Variants in HTR4 observed in about 807,000 individuals in gnomAD.
The protein encoded by HTR4 is 5-hydroxytryptamine (serotonin) receptor 4, G protein-coupled.
HTR4 carries 16 observed loss-of-function variants against 36.8 expected under a neutral mutation model. That is an observed-to-expected ratio of 0.43 (90% CI 0.29 to 0.66). The LOEUF (loss-of-function observed/expected upper bound fraction) is 0.66. HTR4 is among the 30% of genes least tolerant of loss of function. HTR4 has a pLI of 0.13. For synonymous variants in HTR4, 189 were observed against 185.1 expected, an observed-to-expected ratio of 1.02 and a Z score of -0.17; for missense variants, 438 against 490.9, an observed-to-expected ratio of 0.89 and a Z score of 1.02.
rs1021434854 is a variant in HTR4 at position 148,588,772 on chromosome 5, C to T, written c.27-38510G>A. ...AGCCAGGATGGTCTTGATCTCCTGACCTCATGATCCACCCGCCTCGGCCTC... is the reference window on the plus strand; with the variant it reads ...AGCCAGGATGGTCTTGATCTCCTGATCTCATGATCCACCCGCCTCGGCCTC... On this transcript the variant is annotated intron_variant, in intron 2 of 6. Coordinates refer to ENST00000377888, the MANE Select transcript of HTR4 (RefSeq NM_000870.7). Among the ~76,000 whole-genome samples, 16 of 151,216 alleles carry T rather than the reference C, an allele frequency of 1.1e-4. No individual in the cohort carries two copies. In the East Asian group the frequency reaches 2.9e-3, roughly 28 times the overall value.
At chr5:148,528,223 A>G (rs1052634407) in intron 4 of HTR4, among the ~76,000 whole-genome samples, 2 of 152,154 alleles carry the variant, frequency 1.3e-5, no homozygotes, top group Non-Finnish European at 2.9e-5. Context: ...ATACTGAATT[A>G]TGTCTAGGTA....
In HTR4 at chr5:148,521,095, G is replaced by A. The variant is rs538302148; in HGVS notation, c.507+2098C>T. 1.6e-4 allele frequency: 189 copies of A among 1,180,302 alleles called. No individual in the cohort carries two copies. The African/African-American group carries it at 2.6e-3, about 16-fold the overall frequency. 73.1% of individuals were successfully genotyped at this position (1,180,302 alleles called of 1,614,324 possible). On this transcript the variant is annotated intron_variant, in intron 5 of 6. Transcript: ENST00000377888. ...CCACTTCCCACATCTCGATGTATCC[G>A]GGGACCACTTCTACAGCAAGTGCCT...
intron 4 of HTR4, among the ~76,000 whole-genome samples, chr5:148,540,444 AT>A (rs1172923858): frequency 9.2e-4 from 102 of 111,426 alleles, no homozygotes; most frequent in Non-Finnish European, 1.1e-3. Flanking sequence ...ATATATATAT[AT>A]ATAATCTTAT....
At chr5:148,645,951 G>A (rs1170495587) in intron 1 of HTR4, 1 of 152,214 alleles carries the variant, frequency 6.6e-6, no homozygotes, top group Non-Finnish European at 1.5e-5. Context: ...TGATTTCAGA[G>A]GTCTGGAATT....
At chr5:148,537,653 C>T (rs770045284) in intron 4 of HTR4, among the ~76,000 whole-genome samples, 3 of 151,836 alleles carry the variant, frequency 2.0e-5, no homozygotes, top group Admixed American at 6.6e-5. Flanking sequence ...GATAAATTCC[C>T]GGACACATAC....
At chr5:148,516,312 C>CTTTTTTTTTTTTTTT (rs954784476) in intron 5 of HTR4, among the ~76,000 whole-genome samples, 6 of 76,476 alleles carry the variant, frequency 7.8e-5, no homozygotes, top group Non-Finnish European at 9.7e-5. Context: ...ATTCCCCCCT[C>CTTTTTTTTTTTTTTT]TTTTTTTTTT....
At chr5:148,606,080 A>G (rs1198527786) in intron 2 of HTR4, among the ~76,000 whole-genome samples, 1 of 152,234 alleles carries the variant, frequency 6.6e-6, no homozygotes, top group Admixed American at 6.5e-5. Flanking sequence ...AAAATATTCA[A>G]AATACAAACA....
At position 148,483,024 on chromosome 5, in the gene HTR4, C is replaced by T. The variant is rs1274698364; in HGVS notation, c.*179G>A. 5 of 1,448,434 alleles carry T rather than the reference C, an allele frequency of 3.5e-6. No individual in the cohort carries two copies. Among genetic ancestry groups the T allele is most frequent in the African/African-American group, 1.4e-5 (1 of 69,752 alleles). The allele number at this position is 1,448,434 out of a possible 1,614,324, so 89.7% of individuals were successfully genotyped here. A position where few individuals can be genotyped will look rare whatever the true frequency, so the allele number is the denominator to read the frequency against. ...AGGAGGCCATTATGTCCCCTGACTC[C>T]CTCCAGCGCCACCTGCTGGAATCTC... On this transcript the variant is annotated 3_prime_UTR_variant, in exon 7 of 7. Transcript: ENST00000377888.
intron 2 of HTR4, among the ~76,000 whole-genome samples, chr5:148,635,865 C>T (rs865853399): frequency 3.3e-5 from 5 of 152,126 alleles, no homozygotes; most frequent in African/African-American, 9.7e-5. Context: ...AGACTCTGAA[C>T]CAAGTCAGTA....
intron 5 of HTR4, among the ~76,000 whole-genome samples, chr5:148,467,429 A>G (rs1362452373): frequency 6.6e-6 from 1 of 152,160 alleles, no homozygotes; most frequent in Non-Finnish European, 1.5e-5. Context: ...TTGAGTGTGC[A>G]CCATGTAGAT....
chr5:148,479,809 T>C (rs1429809011), downstream of HTR4, among the ~76,000 whole-genome samples: 1 of 152,240 alleles, frequency 6.6e-6, no homozygotes, highest in African/African-American at 2.4e-5. Context: ...ATGTACTTTA[T>C]ATGTTGATCA....
intron 2 of HTR4, among the ~76,000 whole-genome samples, chr5:148,608,231 T>C (rs1752261398): frequency 6.6e-6 from 1 of 152,150 alleles, no homozygotes. Context: ...AGAAACTGGG[T>C]AAAATAAGCA....
chr5:148,650,601 A>T (rs974285838), intron 1 of HTR4, among the ~76,000 whole-genome samples: 3 of 152,190 alleles, frequency 2.0e-5, no homozygotes, highest in African/African-American at 4.8e-5. Context: ...TTTAATTTTG[A>T]CAAGAGAAGA....
intron 4 of HTR4, among the ~76,000 whole-genome samples, chr5:148,548,426 G>T (rs567612871): frequency 6.6e-6 from 1 of 152,236 alleles, no homozygotes; most frequent in South Asian, 2.1e-4. Flanking sequence ...TATTTAGATT[G>T]CAATCTCCTT....
At position 148,483,011 on chromosome 5, in the gene HTR4, T is replaced by G; in HGVS notation, c.*192A>C. 2 of 1,438,150 alleles carry G rather than the reference T, an allele frequency of 1.4e-6. No individual in the cohort carries two copies. The highest frequency in any genetic ancestry group is 1.5e-5 in the South Asian group (1 of 65,724). The allele number at this position is 1,438,150 out of a possible 1,614,324, so 89.1% of individuals were successfully genotyped here. A position where few individuals can be genotyped will look rare whatever the true frequency, so the allele number is the denominator to read the frequency against. ...TAAAAAGTGAACAAGGAGGCCATTA[T>G]GTCCCCTGACTCCCTCCAGCGCCAC... On this transcript the variant is annotated 3_prime_UTR_variant, in exon 7 of 7. Transcript: ENST00000377888.
chr5:148,583,469 T>A (rs573120468), intron 2 of HTR4, among the ~76,000 whole-genome samples: 1 of 151,776 alleles, frequency 6.6e-6, no homozygotes, highest in African/African-American at 2.4e-5. Flanking sequence ...TTTGATATTT[T>A]GCAGAAAAAA....
At chr5:148,533,796 C>T (rs911022314) in intron 4 of HTR4, among the ~76,000 whole-genome samples, 1 of 152,152 alleles carries the variant, frequency 6.6e-6, no homozygotes, top group Non-Finnish European at 1.5e-5. Context: ...TCCAATTATG[C>T]CTCTCCTTCA....
intron 2 of HTR4, among the ~76,000 whole-genome samples, chr5:148,581,476 T>A (rs532762984): frequency 6.6e-6 from 1 of 152,080 alleles, no homozygotes; most frequent in Non-Finnish European, 1.5e-5. Flanking sequence ...TGGATTTAGA[T>A]CTTATGTTCA....
At chr5:148,487,664 T>C (rs999820579) in intron 6 of HTR4, among the ~76,000 whole-genome samples, 7 of 150,506 alleles carry the variant, frequency 4.7e-5, no homozygotes, top group African/African-American at 1.8e-4. Context: ...CCAGCCATTC[T>C]ATTCATACCA....
Sources: allele counts gnomAD v4.1 joint callset (sites outside exome capture counted in the v4.1 genomes callset), GRCh38; gene constraint gnomAD v4.1.1; transcripts MANE v1.5; gene names NCBI Gene and HGNC (gene_info 2026-07-23, HGNC 2026-07-21).